RYR2: variants seen among roughly 807,000 people sequenced by gnomAD.
The protein encoded by RYR2 is ryanodine receptor 2.
In RYR2, 227 loss-of-function variants were observed where a neutral mutation model predicts 601.1. The observed-to-expected ratio is 0.38, with a 90% CI of 0.34 to 0.42. The LOEUF (loss-of-function observed/expected upper bound fraction) is 0.42, where lower values mean the gene tolerates loss of function less well. RYR2 is among the 10% of genes least tolerant of loss of function. The pLI is 1.00. For missense variants in RYR2, 4,646 were observed against 6,156.5 expected (o/e 0.75, Z 8.21); for synonymous variants, 2,223 against 2,175.1 (o/e 1.02, Z -0.61).
intron 1 of RYR2, among the ~76,000 whole-genome samples, chr1:237,130,980 T>G (rs896082385): frequency 6.6e-6 from 1 of 152,050 alleles, no homozygotes; most frequent in African/African-American, 2.4e-5. Context: ...GTAAGAGAAG[T>G]GAGAAACTCT....
chr1:237,792,366 T>TGTGTGTGTGTGCGCGC lies in RYR2; in HGVS notation c.13782+54_13782+55insCGCGCGTGTGTGTGTG, dbSNP rs1573969363. ...CAAGGTACCTGTGTGTGTGTGTGTGTGTGTGTGTGTGTGTGCGTGTGTGTG... is the reference window on the plus strand; with the variant it reads ...CAAGGTACCTGTGTGTGTGTGTGTGTGTGTGTGTGTGCGCGCGTGTGTGTGTGTGTGCGTGTGTGTG... On this transcript the variant is annotated intron_variant, in intron 94 of 104. Transcript: ENST00000366574. The TGTGTGTGTGTGCGCGC allele has an allele frequency of 2.3e-4, 186 of 805,158 alleles. 1 individual carries two copies. Among genetic ancestry groups the TGTGTGTGTGTGCGCGC allele is most frequent in the South Asian group, 2.2e-3 (107 of 49,626 alleles). The allele number at this position is 805,158 out of a possible 1,614,324, so 49.9% of individuals were successfully genotyped here.
At position 237,597,255 on chromosome 1, in the gene RYR2, A is replaced by G. The variant is rs537777555; in HGVS notation, c.4596+1598A>G. On this transcript the variant is annotated intron_variant, in intron 34 of 104. Transcript: ENST00000366574. ...ATAGAGAGATGTAAATTAAGGCATC[A>G]GAAATATAAATTGTGAGGGGAGGGT... Among the ~76,000 whole-genome samples the G allele has an allele frequency of 3.7e-4, 56 of 152,064 alleles. 1 individual carries two copies. The highest frequency in any genetic ancestry group is 7.2e-4 in the Admixed American group (11 of 15,252).
chr1:237,535,914 A>C (rs1668567204), intron 25 of RYR2, among the ~76,000 whole-genome samples: 1 of 152,192 alleles, frequency 6.6e-6, no homozygotes, highest in Admixed American at 6.5e-5. Flanking sequence ...TTAGAAGGCA[A>C]TACTCTGAGA....
At chr1:237,672,586 A>G (rs6429034) in intron 58 of RYR2, among the ~76,000 whole-genome samples, 48,251 of 152,086 alleles carry the variant, frequency 0.32, 8,036 homozygotes, top group East Asian at 0.64. Context: ...TCAAACATTT[A>G]TATTTCTTTG....
At chr1:237,807,599 G>T (rs1660783978) in intron 99 of RYR2, among the ~76,000 whole-genome samples, 1 of 152,132 alleles carries the variant, frequency 6.6e-6, no homozygotes, top group Non-Finnish European at 1.5e-5. Flanking sequence ...TGATCTGCCT[G>T]CCTCGGCCTC....
chr1:237,616,294 T>C (rs1327024790), intron 37 of RYR2, among the ~76,000 whole-genome samples: 1 of 152,228 alleles, frequency 6.6e-6, no homozygotes, highest in African/African-American at 2.4e-5. Flanking sequence ...TTTAAAAATT[T>C]GGCAGAGCAT....
At chr1:237,722,246 C>G (rs763914602) in intron 73 of RYR2, among the ~76,000 whole-genome samples, 2 of 152,026 alleles carry the variant, frequency 1.3e-5, no homozygotes, top group Non-Finnish European at 2.9e-5. Context: ...TCCTTAAGCC[C>G]TAGTTACAAC....
At chr1:237,778,034 G>A (rs781534492) in intron 87 of RYR2, among the ~76,000 whole-genome samples, 3 of 152,134 alleles carry the variant, frequency 2.0e-5, no homozygotes, top group Non-Finnish European at 2.9e-5. Flanking sequence ...AGGGAGGAAC[G>A]CAAGACACTG....
rs374283425 is a variant in RYR2 at position 237,285,255 on chromosome 1, C to T, written c.168+14639C>T. On this transcript the variant is annotated intron_variant, in intron 2 of 104. Coordinates refer to ENST00000366574, the MANE Select transcript of RYR2 (RefSeq NM_001035.3). ...ATCATAAAGTGATGCTAGATTTTGT[C>T]GAATGCTTTTTCTGCATCTATTGAG... 7.9e-5 allele frequency among the ~76,000 whole-genome samples: 12 copies of T among 152,054 alleles called. No homozygotes were observed. In the East Asian group the frequency reaches 1.9e-3, roughly 24 times the overall value.
rs1307926430 is a variant in RYR2 at position 237,742,335 on chromosome 1, G to A, written c.11131G>A (p.Val3711Met). Residue 3711 changes from valine to methionine, a missense_variant, in exon 80 of 105, where the codon GTG becomes ATG. Val to Met is a conservative substitution (Grantham distance 21). Transcript: ENST00000366574. ...DEEDDDGEEE[V>M]KSFEEKEMEK... ...GGAAGATGACGATGGTGAAGAGGAA[G>A]TGAAGAGTTTTGAAGTAAGATGGAT... The A allele has an allele frequency of 3.2e-6, 5 of 1,570,976 alleles. No homozygotes were observed. The highest frequency in any genetic ancestry group is 2.7e-5 in the African/African-American group (2 of 73,862).
rs1411053346 is a variant in RYR2 at position 237,614,160 on chromosome 1, A to G, written c.5032A>G (p.Ser1678Gly). 8.7e-6 allele frequency: 14 copies of G among 1,614,010 alleles called. No homozygotes were observed. The highest frequency in any genetic ancestry group is 1.2e-5 in the Non-Finnish European group (14 of 1,179,892). Residue 1678 changes from serine (S) to glycine (G), a missense_variant, in exon 37 of 105, where the codon AGC becomes GGC. Transcript: ENST00000366574. The surrounding 1 kb of genome is among the most constrained non-coding windows in gnomAD (Gnocchi z 4.3). ...GNHRVAHALC[S>G]HVDEPQLLYA... ...CCACCGGGTGGCCCATGCCCTGTGCAGCCATGTGGATGAACCTCAGCTCCT... is the reference window on the plus strand; with the variant it reads ...CCACCGGGTGGCCCATGCCCTGTGCGGCCATGTGGATGAACCTCAGCTCCT...
chr1:237,424,239 A>G (rs1193274801), intron 12 of RYR2, among the ~76,000 whole-genome samples: 1 of 152,216 alleles, frequency 6.6e-6, no homozygotes, highest in Non-Finnish European at 1.5e-5. Context: ...GATGATTGGA[A>G]CAATATTAAA....
intron 47 of RYR2, among the ~76,000 whole-genome samples, 198 bp from the exon 48 acceptor site, chr1:237,643,129 T>G (rs911420471): frequency 6.6e-6 from 1 of 152,218 alleles, no homozygotes; most frequent in Admixed American, 6.5e-5. Context: ...TGGTGTATGC[T>G]GAAATCACTG....
At chr1:237,781,479 G>A in intron 88 of RYR2, 86 bp from the exon 89 acceptor site, 1 of 692,002 alleles carries the variant, frequency 1.4e-6, no homozygotes, top group Non-Finnish European at 2.6e-6. Context: ...TATTGCCAGA[G>A]CAGCATCCTT....
intron 66 of RYR2, among the ~76,000 whole-genome samples, chr1:237,704,414 A>G (rs893585210): frequency 7.2e-5 from 11 of 152,152 alleles, no homozygotes; most frequent in African/African-American, 2.4e-4. Context: ...TAAAACCATC[A>G]TGTAAAGTAA....
rs758435186 is a variant in RYR2, at chr1:237,388,201, T to C, written c.773+18T>C. On this transcript the variant is annotated intron_variant, in intron 10 of 104. Transcript: ENST00000366574. ...CAGCGGAGGTTAGTACCTGAGCTCA[T>C]TGCATTGAGACTTGCACTCTTTTGC... 7.5e-6 allele frequency: 12 copies of C among 1,597,914 alleles called. No homozygotes were observed. The Admixed American group carries it at 1.3e-4, about 18-fold the overall frequency.
At chr1:237,780,935 A>AAGAT (rs1431800453) in intron 88 of RYR2, among the ~76,000 whole-genome samples, 4 of 152,352 alleles carry the variant, frequency 2.6e-5, no homozygotes, top group East Asian at 3.9e-4. Context: ...TTTCAAATAA[A>AAGAT]AGATAAGATA....
Position 237,539,519 on chromosome 1 carries a change from A to G in RYR2, c.2907-8912A>G, listed in dbSNP as rs377635603. Among the ~76,000 whole-genome samples the G allele has an allele frequency of 2.6e-5, 4 of 152,344 alleles. No individual in the cohort carries two copies. The South Asian group carries it at 8.3e-4, about 32-fold the overall frequency. ...GAATTAAATGCTATATTCCCTATTAAAAATAGCTAATTTTTGTACTGTGCA... is the reference window on the plus strand; with the variant it reads ...GAATTAAATGCTATATTCCCTATTAGAAATAGCTAATTTTTGTACTGTGCA... On this transcript the variant is annotated intron_variant, in intron 25 of 104. Transcript: ENST00000366574.
chr1:237,109,343 TG>T (rs1669154886), intron 1 of RYR2, among the ~76,000 whole-genome samples: 1 of 92,962 alleles, frequency 1.1e-5, no homozygotes, highest in African/African-American at 2.7e-5. Flanking sequence ...ATGGTAAAGC[TG>T]GTTTTTTTTT....
Sources: gnomAD v4.1 joint callset for allele counts (sites outside exome capture counted in the v4.1 genomes callset) on GRCh38, gnomAD v4.1.1 for gene constraint, Gnocchi (gnomAD v3.1) non-coding constraint, MANE v1.5 for transcripts, NCBI Gene and HGNC (gene_info 2026-07-23, HGNC 2026-07-21) for gene names.